The following KLF12 variants were observed in gnomAD, a reference collection of about 807,000 sequenced individuals.
KLF12 encodes the protein KLF transcription factor 12, also known as Krueppel-like factor 12.
In KLF12, 9 loss-of-function variants were observed where a neutral mutation model predicts 37.8. That is an observed-to-expected ratio of 0.24 (90% CI 0.14 to 0.42). The LOEUF (loss-of-function observed/expected upper bound fraction) is 0.42, where lower values mean the gene tolerates loss of function less well. KLF12 is among the 10% of genes least tolerant of loss of function. The pLI is 1.00. For missense variants in KLF12, 411 were observed against 516.0 expected (o/e 0.80, Z 1.97); for synonymous variants, 208 against 202.1 (o/e 1.03, Z -0.25).
At chr13:73,830,573 A>G (rs1280210492) in intron 4 of KLF12, among the ~76,000 whole-genome samples, 2 of 152,322 alleles carry the variant, frequency 1.3e-5, no homozygotes, top group East Asian at 1.9e-4. Flanking sequence ...GCTATTGGCT[A>G]GTGCTCAGAA....
chr13:74,150,080 T>C, the KLF12 span, among the ~76,000 whole-genome samples: 1 of 152,212 alleles, frequency 6.6e-6, no homozygotes, highest in Non-Finnish European at 1.5e-5. Flanking sequence ...TTTGCTTGCT[T>C]TTTATTTTCT....
chr13:74,071,972 C>CG (rs1161543772), intron 1 of KLF12, among the ~76,000 whole-genome samples: 4 of 151,192 alleles, frequency 2.6e-5, no homozygotes, highest in African/African-American at 9.7e-5. Context: ...TCCTCCCCAA[C>CG]CCCCCCACCT....
the KLF12 span, among the ~76,000 whole-genome samples, chr13:74,292,633 G>A: frequency 2.6e-5 from 4 of 151,998 alleles, no homozygotes; most frequent in Non-Finnish European, 5.9e-5. Flanking sequence ...TTGGCTGGAG[G>A]ACTTTACTTT....
At chr13:74,137,251 A>T (rs2139053892), upstream of KLF12, among the ~76,000 whole-genome samples, 1 of 152,344 alleles carries the variant, frequency 6.6e-6, no homozygotes, top group South Asian at 2.1e-4. Flanking sequence ...AATTTATTTC[A>T]TCCTTAATTC....
At chr13:74,264,163 C>A in the KLF12 span, among the ~76,000 whole-genome samples, 1 of 152,116 alleles carries the variant, frequency 6.6e-6, no homozygotes, top group Non-Finnish European at 1.5e-5. Context: ...GAAGATCAGG[C>A]TTTGGGTATC....
At chr13:74,254,889 G>A in the KLF12 span, among the ~76,000 whole-genome samples, 1 of 152,116 alleles carries the variant, frequency 6.6e-6, no homozygotes, top group African/African-American at 2.4e-5. Flanking sequence ...GCTGTGCTAT[G>A]AATAAGTAAA....
intron 3 of KLF12, among the ~76,000 whole-genome samples, chr13:73,883,114 T>C (rs967868047): frequency 6.6e-6 from 1 of 152,144 alleles, no homozygotes; most frequent in African/African-American, 2.4e-5. Flanking sequence ...AATATTATAT[T>C]GTCCCCCTCT....
rs17061545 is a variant in KLF12, at chr13:73,835,375, C to T, written c.670+10452G>A. Among the ~76,000 whole-genome samples, 714 of 152,098 alleles carry T rather than the reference C, an allele frequency of 4.7e-3. 12 individuals are homozygous for T. In the East Asian group the frequency reaches 0.07, roughly 15 times the overall value. On this transcript the variant is annotated intron_variant, in intron 4 of 7. Coordinates refer to ENST00000377669, the MANE Select transcript of KLF12 (RefSeq NM_007249.5). ...AAAGACTGTCCTTTTCATTACAGGT[C>T]TCATGGTTCCATATTACATGACTTC...
At chr13:73,924,053 GAC>G (rs149514455) in intron 3 of KLF12, among the ~76,000 whole-genome samples, 2,045 of 152,266 alleles carry the variant, frequency 0.013, 20 homozygotes, top group Middle Eastern at 0.034. Context: ...TCAATGAACT[GAC>G]ACAAACATCA....
intron 1 of KLF12, among the ~76,000 whole-genome samples, chr13:74,013,570 G>A (rs892403311): frequency 6.6e-6 from 1 of 152,170 alleles, no homozygotes; most frequent in African/African-American, 2.4e-5. Context: ...GCCAGTTCAT[G>A]ATATGTGTTG....
chr13:74,088,208 T>C (rs747805739), intron 1 of KLF12, among the ~76,000 whole-genome samples: 10 of 152,090 alleles, frequency 6.6e-5, no homozygotes, highest in Non-Finnish European at 1.5e-4. Context: ...GCATAAATAC[T>C]CTATTTCAGA....
chr13:74,205,567 G>C, the KLF12 span, among the ~76,000 whole-genome samples: 1 of 152,164 alleles, frequency 6.6e-6, no homozygotes, highest in Admixed American at 6.5e-5. Context: ...CACAATCTTG[G>C]ATTTGTATGG....
intron 1 of KLF12, among the ~76,000 whole-genome samples, chr13:74,098,605 T>TATATTGA (rs918375969): frequency 6.6e-6 from 1 of 152,228 alleles, no homozygotes; most frequent in Non-Finnish European, 1.5e-5. Context: ...TAGAGATATG[T>TATATTGA]ATATTGAATA....
chr13:74,279,861 C>T, the KLF12 span, among the ~76,000 whole-genome samples: 1 of 152,080 alleles, frequency 6.6e-6, no homozygotes, highest in Non-Finnish European at 1.5e-5. Context: ...TTGACTTATT[C>T]TCATGGTTAA....
At chr13:74,145,663 T>C in the KLF12 span, among the ~76,000 whole-genome samples, 6 of 152,204 alleles carry the variant, frequency 3.9e-5, no homozygotes, top group Non-Finnish European at 8.8e-5. Context: ...TACTTACAAA[T>C]ATCACTTTTA....
chr13:74,303,035 G>A, the KLF12 span, among the ~76,000 whole-genome samples: 1 of 152,072 alleles, frequency 6.6e-6, no homozygotes, highest in Non-Finnish European at 1.5e-5. Context: ...TTTTGAAAAT[G>A]ACGCCAAGTG....
At chr13:73,928,163 A>C (rs1418591159) in intron 3 of KLF12, among the ~76,000 whole-genome samples, 3 of 152,192 alleles carry the variant, frequency 2.0e-5, no homozygotes, top group Non-Finnish European at 4.4e-5. Context: ...GCCAACATCT[A>C]TCTCTTAAGT....
At chr13:74,126,848 G>A (rs1357187689) in intron 1 of KLF12, among the ~76,000 whole-genome samples, 2 of 152,160 alleles carry the variant, frequency 1.3e-5, no homozygotes, top group African/African-American at 4.8e-5. Flanking sequence ...TATTTGAAAA[G>A]TCAATGATAT....
intron 1 of KLF12, among the ~76,000 whole-genome samples, chr13:74,041,867 C>T (rs1416457897): frequency 6.6e-6 from 1 of 152,098 alleles, no homozygotes; most frequent in Non-Finnish European, 1.5e-5. Flanking sequence ...TATATAAATA[C>T]CCTGCTCCTT....
Sources: allele counts gnomAD v4.1 joint callset (sites outside exome capture counted in the v4.1 genomes callset), GRCh38; gene constraint gnomAD v4.1.1; transcripts MANE v1.5; gene names NCBI Gene and HGNC (gene_info 2026-07-23, HGNC 2026-07-21).